Variants in ITFG1 observed in about 807,000 individuals in gnomAD.
The protein encoded by ITFG1 is T-cell immunomodulatory protein.
ITFG1 carries 34 observed loss-of-function variants against 81.8 expected under a neutral mutation model. The ratio of observed to expected loss-of-function variants is 0.42; its 90% CI spans 0.32 to 0.55. ITFG1 has a LOEUF of 0.55. ITFG1 is among the 20% of genes least tolerant of loss of function. The probability of loss-of-function intolerance (pLI) is 0.17; values close to 1 mark genes in which losing one functional copy is unlikely to be tolerated. For missense variants in ITFG1, 672 were observed against 755.4 expected, an observed-to-expected ratio of 0.89 and a Z score of 1.29; for synonymous variants, 285 against 270.6, an observed-to-expected ratio of 1.05 and a Z score of -0.52.
At chr16:47,179,534 A>G (rs1032971049) in intron 14 of ITFG1, among the ~76,000 whole-genome samples, 1 of 152,220 alleles carries the variant, frequency 6.6e-6, no homozygotes, top group Non-Finnish European at 1.5e-5. Flanking sequence ...GCTGATTTAC[A>G]GTAATGGTTG....
At chr16:47,182,386 C>CAAA (rs34527674) in intron 14 of ITFG1, among the ~76,000 whole-genome samples, 1 of 133,696 alleles carries the variant, frequency 7.5e-6, no homozygotes, top group African/African-American at 2.7e-5. Context: ...AGGTGGCTCT[C>CAAA]AAAAAAAAAA....
chr16:47,179,265 G>T, intron 14 of ITFG1, among the ~76,000 whole-genome samples: 1 of 152,166 alleles, frequency 6.6e-6, no homozygotes, highest in Non-Finnish European at 1.5e-5. Context: ...CTGCTATAAA[G>T]ACACATGCGC....
chr16:47,432,822 T>C (rs912743511), intron 5 of ITFG1, among the ~76,000 whole-genome samples: 1 of 152,258 alleles, frequency 6.6e-6, no homozygotes, highest in Non-Finnish European at 1.5e-5. Context: ...ATAGACCATT[T>C]ATTCATCAGT....
At chr16:47,183,558 A>C (rs1482895174) in intron 14 of ITFG1, among the ~76,000 whole-genome samples, 1 of 152,230 alleles carries the variant, frequency 6.6e-6, no homozygotes, top group Non-Finnish European at 1.5e-5. Context: ...GTACTCCAAC[A>C]GACCTGCAGC....
chr16:47,184,175 G>T (rs963877038), intron 14 of ITFG1, among the ~76,000 whole-genome samples: 5 of 152,188 alleles, frequency 3.3e-5, no homozygotes, highest in Admixed American at 3.3e-4. Context: ...AAGTGACGGG[G>T]AGAATGGAAC....
At chr16:47,440,456 T>A (rs182823651) in intron 5 of ITFG1, among the ~76,000 whole-genome samples, 1 of 152,288 alleles carries the variant, frequency 6.6e-6, no homozygotes, top group East Asian at 1.9e-4. Flanking sequence ...TCTCATCAAA[T>A]GTAAAAGAAC....
chr16:47,402,228 TATC>T (rs1162650131), intron 6 of ITFG1, among the ~76,000 whole-genome samples: 2 of 152,202 alleles, frequency 1.3e-5, no homozygotes, highest in African/African-American at 4.8e-5. Flanking sequence ...AAATAAATCT[TATC>T]AACATCTAAA....
chr16:47,443,178 C>A (rs2151615463), intron 5 of ITFG1, among the ~76,000 whole-genome samples: 1 of 152,264 alleles, frequency 6.6e-6, no homozygotes, highest in African/African-American at 2.4e-5. Context: ...CAGAGAAATG[C>A]AAATCAAAAC....
intron 14 of ITFG1, among the ~76,000 whole-genome samples, chr16:47,215,300 C>T (rs1965612083): frequency 6.6e-6 from 1 of 152,254 alleles, no homozygotes; most frequent in Non-Finnish European, 1.5e-5. Flanking sequence ...TGGGAATTTT[C>T]ATCCTTTAAA....
At chr16:47,279,837 T>C (rs1429024327) in intron 10 of ITFG1, among the ~76,000 whole-genome samples, 3 of 152,206 alleles carry the variant, frequency 2.0e-5, no homozygotes, top group African/African-American at 2.4e-5. Flanking sequence ...AGATACTTAA[T>C]ATGTTTCATT....
At chr16:47,351,061 C>A (rs1181407266) in intron 8 of ITFG1, among the ~76,000 whole-genome samples, 1 of 152,146 alleles carries the variant, frequency 6.6e-6, no homozygotes, top group Non-Finnish European at 1.5e-5. Context: ...GGATGTATCT[C>A]AAAATAATAA....
chr16:47,452,833 A>G, intron 3 of ITFG1, 43 bp from the exon 4 acceptor site: 18 of 1,056,614 alleles, frequency 1.7e-5, no homozygotes, highest in Non-Finnish European at 2.5e-5. Context: ...CAGGCATTTT[A>G]TATTACTTTT....
chr16:47,422,118 G>T (rs1299411391), intron 6 of ITFG1, among the ~76,000 whole-genome samples: 1 of 152,142 alleles, frequency 6.6e-6, no homozygotes, highest in Non-Finnish European at 1.5e-5. Flanking sequence ...TTGCTATTGT[G>T]AACAGTGCCA....
intron 10 of ITFG1, among the ~76,000 whole-genome samples, chr16:47,302,835 A>G (rs571034361): frequency 3.9e-5 from 6 of 152,338 alleles, no homozygotes; most frequent in African/African-American, 1.4e-4. Context: ...ACTGTGCCAC[A>G]TCGCCTTGTT....
At chr16:47,247,139 C>T (rs1251699988) in intron 12 of ITFG1, among the ~76,000 whole-genome samples, 1 of 152,132 alleles carries the variant, frequency 6.6e-6, no homozygotes, top group Non-Finnish European at 1.5e-5. Context: ...CTATCTTCTT[C>T]CCCTCTTGAG....
chr16:47,370,329 T>C (rs1476862557), intron 7 of ITFG1, among the ~76,000 whole-genome samples: 2 of 152,122 alleles, frequency 1.3e-5, no homozygotes, highest in African/African-American at 4.8e-5. Context: ...AATGGTGCTT[T>C]TCCGAGGCCG....
intron 13 of ITFG1, among the ~76,000 whole-genome samples, chr16:47,223,071 T>C (rs1050695676): frequency 1.3e-5 from 2 of 151,362 alleles, no homozygotes; most frequent in African/African-American, 4.9e-5. Flanking sequence ...TTACACCTTA[T>C]ACAAAAATCA....
intron 5 of ITFG1, chr16:47,449,067 C>T (rs1969357531): frequency 6.6e-6 from 1 of 152,182 alleles, no homozygotes; most frequent in Non-Finnish European, 1.5e-5. Context: ...TTAGTCCAGC[C>T]AAACTGGTTG....
intron 12 of ITFG1, among the ~76,000 whole-genome samples, chr16:47,248,809 T>A (rs1429297675): frequency 6.6e-6 from 1 of 152,190 alleles, no homozygotes; most frequent in Admixed American, 6.5e-5. Flanking sequence ...TAAGTAAGTA[T>A]AATAAATGGG....
Sources: gnomAD v4.1 joint callset for allele counts (sites outside exome capture counted in the v4.1 genomes callset) on GRCh38, gnomAD v4.1.1 for gene constraint, MANE v1.5 for transcripts, NCBI Gene and HGNC (gene_info 2026-07-23, HGNC 2026-07-21) for gene names.